Variants in ZMYND11 observed in about 807,000 individuals in gnomAD.
The protein encoded by ZMYND11 is zinc finger MYND domain-containing protein 11.
Under a neutral mutation model 84.9 loss-of-function variants are expected in ZMYND11, and 9 were observed. That is an observed-to-expected ratio of 0.11 (90% confidence interval 0.06 to 0.18). The LOEUF is 0.18. Ranked by LOEUF, ZMYND11 falls within the 10% of genes least tolerant of loss-of-function variation. ZMYND11 has a pLI of 1.00. For missense variants in ZMYND11, 409 were observed against 761.0 expected (o/e 0.54, Z 5.44); for synonymous variants, 250 against 244.1 (o/e 1.02, Z -0.23).
At chr10:152,762 C>G (rs1259101005) in intron 1 of ZMYND11, among the ~76,000 whole-genome samples, 7 of 152,216 alleles carry the variant, frequency 4.6e-5, no homozygotes, top group Non-Finnish European at 1.0e-4. Flanking sequence ...AATATGCATT[C>G]TTCTCAGCAC....
intron 1 of ZMYND11, among the ~76,000 whole-genome samples, chr10:147,199 G>A (rs1167227537): frequency 6.6e-6 from 1 of 152,204 alleles, no homozygotes; most frequent in Non-Finnish European, 1.5e-5. Flanking sequence ...TTGGCAAACA[G>A]ATAGTTTGAC....
intron 4 of ZMYND11, among the ~76,000 whole-genome samples, chr10:223,322 A>G (rs1947470954): frequency 6.6e-6 from 1 of 152,110 alleles, no homozygotes. Flanking sequence ...TACTGTTGTG[A>G]GCCATCGTGC....
intron 4 of ZMYND11, among the ~76,000 whole-genome samples, chr10:232,462 T>C (rs1047865191): frequency 3.3e-5 from 5 of 152,232 alleles, no homozygotes; most frequent in East Asian, 1.9e-4. Context: ...CTACAAATCA[T>C]TGGGAGGGAT....
intron 4 of ZMYND11, among the ~76,000 whole-genome samples, chr10:233,443 G>C (rs562168306): frequency 6.6e-6 from 1 of 152,328 alleles, no homozygotes; most frequent in African/African-American, 2.4e-5. Context: ...CTTTTTAGAA[G>C]TAGATGTTGA....
chr10:152,658 C>T (rs1840681518), intron 1 of ZMYND11, among the ~76,000 whole-genome samples: 1 of 152,114 alleles, frequency 6.6e-6, no homozygotes, highest in African/African-American at 2.4e-5. Flanking sequence ...ATCAATGAAA[C>T]AGAAAGTCAA....
intron 4 of ZMYND11, among the ~76,000 whole-genome samples, chr10:234,982 A>ATGTGTGTGTGTGTGTGTGTGTG (rs60483060): frequency 9.4e-5 from 14 of 148,880 alleles, no homozygotes; most frequent in Non-Finnish European, 1.6e-4. Flanking sequence ...TATTTCGCAA[A>ATGTGTGTGTGTGTGTGTGTGTG]TGTGTGTGTG....
intron 2 of ZMYND11, among the ~76,000 whole-genome samples, chr10:185,712 G>A (rs544589575): frequency 1.3e-5 from 2 of 151,282 alleles, no homozygotes; most frequent in Non-Finnish European, 2.9e-5. Flanking sequence ...CTACTGGGGA[G>A]GCTGAGGCAG....
At chr10:182,275 CAT>C (rs1014206768) in intron 2 of ZMYND11, among the ~76,000 whole-genome samples, 3 of 152,178 alleles carry the variant, frequency 2.0e-5, no homozygotes, top group African/African-American at 7.2e-5. Flanking sequence ...CATGTATACA[CAT>C]GTTAAACTGT....
intron 4 of ZMYND11, among the ~76,000 whole-genome samples, chr10:226,613 T>G (rs1948182086): frequency 6.6e-6 from 1 of 152,198 alleles, no homozygotes; most frequent in Admixed American, 6.5e-5. Context: ...ATTTAGGGCT[T>G]TAAATTTTGT....
intron 2 of ZMYND11, among the ~76,000 whole-genome samples, chr10:197,469 T>G (rs1942092630): frequency 6.6e-6 from 1 of 152,192 alleles, no homozygotes; most frequent in Non-Finnish European, 1.5e-5. Flanking sequence ...GTATATGAAA[T>G]AGAGCCACAA....
intron 4 of ZMYND11, among the ~76,000 whole-genome samples, chr10:236,317 TAA>T (rs1344461857): frequency 6.6e-6 from 1 of 152,280 alleles, no homozygotes; most frequent in Non-Finnish European, 1.5e-5. Context: ...CAGGCTAGAC[TAA>T]GAGTTGGAGT....
At chr10:177,422 C>T (rs908542125) in intron 1 of ZMYND11, among the ~76,000 whole-genome samples, 3 of 152,056 alleles carry the variant, frequency 2.0e-5, no homozygotes, top group Admixed American at 6.6e-5. Context: ...TGACTTGATT[C>T]AGGTAGTTCT....
rs995662091 is a variant in ZMYND11 at position 253,578 on chromosome 10, T to C, written c.*1108T>C. On this transcript the variant is annotated 3_prime_UTR_variant, in exon 15 of 15. Transcript: ENST00000381604. ...TGTCTGGATTAAGAAGCATTACCAA[T>C]AGGAATGGATCGATAGTTGAATAAT... The C allele has an allele frequency of 1.3e-5, 2 of 152,630 alleles. No homozygotes were observed. Among genetic ancestry groups the C allele is most frequent in the African/African-American group, 2.4e-5 (1 of 41,458 alleles). 9.5% of individuals were successfully genotyped at this position (152,630 alleles called of 1,614,324 possible).
Position 242,152 on chromosome 10 carries a change from C to CCCATGTTCAGCG in ZMYND11, c.950+14_950+25dup, listed in dbSNP as rs1589229545. 6.2e-7 allele frequency: 1 copy of CCCATGTTCAGCG among 1,613,818 alleles called. No homozygotes were observed. Among genetic ancestry groups the CCCATGTTCAGCG allele is most frequent in the Non-Finnish European group, 8.5e-7 (1 of 1,179,872 alleles). On this transcript the variant is annotated intron_variant, in intron 10 of 14. Transcript: ENST00000381604. ...ACCACCACCAGAGGTAATTTGTGATCCCATGTTCAGCGGTCACAGCTGTGC... is the reference window on the plus strand; with the variant it reads ...ACCACCACCAGAGGTAATTTGTGATCCCATGTTCAGCGCCATGTTCAGCGGTCACAGCTGTGC...
At chr10:206,539 G>A (rs1343981729) in intron 2 of ZMYND11, among the ~76,000 whole-genome samples, 3 of 151,986 alleles carry the variant, frequency 2.0e-5, no homozygotes, top group Non-Finnish European at 1.5e-5. Flanking sequence ...ACTATGCTCT[G>A]TCTTTTTTAA....
intron 4 of ZMYND11, among the ~76,000 whole-genome samples, chr10:233,969 A>G (rs375625359): frequency 1.2e-4 from 19 of 152,238 alleles, no homozygotes; most frequent in African/African-American, 4.6e-4. Flanking sequence ...TGAATTCTCT[A>G]TTTAAAAAGA....
intron 1 of ZMYND11, chr10:155,030 C>A (rs576747969): frequency 2.0e-4 from 30 of 152,198 alleles, no homozygotes; most frequent in African/African-American, 6.7e-4. Flanking sequence ...ATATGATATG[C>A]TCCTGGTGTA....
intron 5 of ZMYND11, 113 bp from the exon 6 acceptor site, chr10:237,472 G>A: frequency 1.6e-6 from 1 of 616,468 alleles, no homozygotes; most frequent in Non-Finnish European, 2.6e-6. Context: ...GCAAGACCCT[G>A]TCTCTACAAA....
chr10:222,214 A>G (rs1171976498), intron 4 of ZMYND11, among the ~76,000 whole-genome samples: 1 of 152,194 alleles, frequency 6.6e-6, no homozygotes, highest in Non-Finnish European at 1.5e-5. Flanking sequence ...GCTTTTTCAA[A>G]AAACATTTTT....
Sources: allele counts gnomAD v4.1 joint callset (sites outside exome capture counted in the v4.1 genomes callset), GRCh38; gene constraint gnomAD v4.1.1; transcripts MANE v1.5; gene names NCBI Gene and HGNC (gene_info 2026-07-23, HGNC 2026-07-21).